GALNT13: variants seen among roughly 807,000 people sequenced by gnomAD.
GALNT13 encodes polypeptide N-acetylgalactosaminyltransferase 13.
GALNT13 carries 28 observed loss-of-function variants against 64.2 expected under a neutral mutation model. The observed-to-expected ratio is 0.44, with a 90% CI of 0.32 to 0.60. The LOEUF (loss-of-function observed/expected upper bound fraction) is 0.60. Among genes scored for constraint, GALNT13 ranks in the 20% least tolerant of loss-of-function variants. The pLI is 0.05. For missense variants in GALNT13, 577 were observed against 669.8 expected (o/e 0.86, Z 1.53); for synonymous variants, 214 against 224.6 (o/e 0.95, Z 0.42).
rs943669304 is a variant in GALNT13 at position 154,223,754 on chromosome 2, A to G, written c.312-18276A>G. ...AAAGTATTTGTCACCTGGGATTTTCATTCTTCAGTGGTAATAGCTGCTCTT... is the reference window on the plus strand; with the variant it reads ...AAAGTATTTGTCACCTGGGATTTTCGTTCTTCAGTGGTAATAGCTGCTCTT... On this transcript the variant is annotated intron_variant, in intron 4 of 12. Transcript: ENST00000392825. Among the ~76,000 whole-genome samples the G allele has an allele frequency of 2.6e-5, 4 of 152,092 alleles. No homozygotes were observed. The South Asian group carries it at 8.3e-4, about 31-fold the overall frequency.
chr2:154,293,526 A>G, intron 8 of GALNT13, among the ~76,000 whole-genome samples: 1 of 152,222 alleles, frequency 6.6e-6, no homozygotes, highest in Non-Finnish European at 1.5e-5. Context: ...ATCAAGTGCC[A>G]GGCATAGTTC....
At chr2:153,804,642 A>AT in the GALNT13 span, among the ~76,000 whole-genome samples, 39 of 152,138 alleles carry the variant, frequency 2.6e-4, no homozygotes, top group African/African-American at 7.0e-4. Context: ...CTGTTTAACT[A>AT]TTTTTTTTCT....
chr2:153,562,060 C>CTGTGTGTGTGTGTGTG, the GALNT13 span, among the ~76,000 whole-genome samples: 28 of 118,956 alleles, frequency 2.4e-4, no homozygotes, highest in South Asian at 6.5e-4. Flanking sequence ...CTCTCTCTCT[C>CTGTGTGTGTGTGTGTG]TGTGTGTGTG....
At chr2:154,367,366 GT>G (rs977470542) in intron 9 of GALNT13, among the ~76,000 whole-genome samples, 6 of 152,170 alleles carry the variant, frequency 3.9e-5, no homozygotes, top group African/African-American at 1.4e-4. Context: ...TGGTCCAGAA[GT>G]AGGCCAGGCA....
chr2:153,164,197 A>C, the GALNT13 span, among the ~76,000 whole-genome samples: 1 of 152,186 alleles, frequency 6.6e-6, no homozygotes, highest in South Asian at 2.1e-4. Context: ...TGGAGGCTAG[A>C]AAATAAAAAG....
At chr2:153,442,405 T>C in the GALNT13 span, among the ~76,000 whole-genome samples, 1 of 152,174 alleles carries the variant, frequency 6.6e-6, no homozygotes, top group East Asian at 1.9e-4. Flanking sequence ...GCCTGAAATT[T>C]TCTTTTTTTG....
intron 3 of GALNT13, among the ~76,000 whole-genome samples, chr2:154,007,902 A>G (rs547253300): frequency 2.0e-5 from 3 of 152,076 alleles, no homozygotes; most frequent in South Asian, 4.2e-4. Context: ...TTGATGACAC[A>G]TTAGGAAATC....
At chr2:153,187,919 G>C in the GALNT13 span, among the ~76,000 whole-genome samples, 4 of 152,004 alleles carry the variant, frequency 2.6e-5, no homozygotes, top group Non-Finnish European at 5.9e-5. Flanking sequence ...AGGAATATAA[G>C]GGTTTAACAT....
intron 8 of GALNT13, among the ~76,000 whole-genome samples, chr2:154,259,443 A>G (rs542398721): frequency 6.6e-6 from 1 of 152,346 alleles, no homozygotes; most frequent in Non-Finnish European, 1.5e-5. Flanking sequence ...GTTGCTCTAT[A>G]AAATCACTTT....
At chr2:153,892,359 A>T (rs992960529) in intron 1 of GALNT13, among the ~76,000 whole-genome samples, 2 of 152,102 alleles carry the variant, frequency 1.3e-5, no homozygotes, top group African/African-American at 4.8e-5. Flanking sequence ...TAATGAGGAT[A>T]TAAAAATATT....
chr2:153,542,246 G>A, the GALNT13 span, among the ~76,000 whole-genome samples: 1 of 152,076 alleles, frequency 6.6e-6, no homozygotes, highest in Non-Finnish European at 1.5e-5. Context: ...CTTGAACCCA[G>A]GAGGTGGAGG....
chr2:153,395,261 A>G, the GALNT13 span, among the ~76,000 whole-genome samples: 1 of 152,168 alleles, frequency 6.6e-6, no homozygotes, highest in Non-Finnish European at 1.5e-5. Flanking sequence ...AATCAAAGGC[A>G]AAGAATTATA....
At position 154,435,741 on chromosome 2, in the gene GALNT13, GAAT is replaced by G. The variant is rs1407595395; in HGVS notation, c.1396-2845_1396-2843del. 5.3e-5 allele frequency: 8 copies of G among 152,216 alleles called. No individual in the cohort carries two copies. In the East Asian group the frequency reaches 5.8e-4, roughly 11 times the overall value. The allele number at this position is 152,216 out of a possible 1,614,324, so 9.4% of individuals were successfully genotyped here. A position where few individuals can be genotyped will look rare whatever the true frequency, so the allele number is the denominator to read the frequency against. On this transcript the variant is annotated intron_variant, in intron 11 of 12. Coordinates refer to ENST00000392825, the MANE Select transcript of GALNT13 (RefSeq NM_052917.4). ...AATTTGGGATTAACTCCAAGACTGG[GAAT>G]AATAACTCTAAATATCAGCTACTGA...
At chr2:153,730,284 C>T in the GALNT13 span, among the ~76,000 whole-genome samples, 1 of 151,790 alleles carries the variant, frequency 6.6e-6, no homozygotes, top group Non-Finnish European at 1.5e-5. Flanking sequence ...GAAATAAAGC[C>T]ACACATCTAC....
the GALNT13 span, among the ~76,000 whole-genome samples, chr2:153,301,822 T>C: frequency 6.6e-6 from 1 of 152,086 alleles, no homozygotes; most frequent in Non-Finnish European, 1.5e-5. Flanking sequence ...GGTTTATCCA[T>C]GTTGTCATAA....
intron 4 of GALNT13, among the ~76,000 whole-genome samples, chr2:154,232,638 T>C (rs774664029): frequency 4.6e-5 from 7 of 152,142 alleles, no homozygotes; most frequent in Non-Finnish European, 1.0e-4. Context: ...GAAATAACTT[T>C]TGAAATCAGA....
chr2:153,506,983 T>C, the GALNT13 span, among the ~76,000 whole-genome samples: 4 of 152,204 alleles, frequency 2.6e-5, no homozygotes, highest in African/African-American at 9.6e-5. Flanking sequence ...CAATCATTCT[T>C]AGGTTTAGAT....
At chr2:154,161,783 A>T (rs1294657398) in intron 4 of GALNT13, among the ~76,000 whole-genome samples, 1 of 147,604 alleles carries the variant, frequency 6.8e-6, no homozygotes, top group Non-Finnish European at 1.5e-5. Flanking sequence ...AATCAAGTGT[A>T]TTTTTTTTTT....
chr2:153,472,684 C>G, the GALNT13 span, among the ~76,000 whole-genome samples: 1 of 152,116 alleles, frequency 6.6e-6, no homozygotes, highest in Non-Finnish European at 1.5e-5. Flanking sequence ...CCTGCATTTA[C>G]CCACTCAAGA....
Sources: allele counts gnomAD v4.1 joint callset (sites outside exome capture counted in the v4.1 genomes callset), GRCh38; gene constraint gnomAD v4.1.1; transcripts MANE v1.5; gene names NCBI Gene and HGNC (gene_info 2026-07-23, HGNC 2026-07-21).